Variants in PTPRD observed in about 807,000 individuals in gnomAD.
PTPRD encodes protein tyrosine phosphatase receptor type D.
Under a neutral mutation model 214.5 loss-of-function variants are expected in PTPRD, and 34 were observed. The ratio of observed to expected loss-of-function variants is 0.16; its 90% CI spans 0.12 to 0.21. The LOEUF (loss-of-function observed/expected upper bound fraction) is 0.21. Among genes scored for constraint, PTPRD ranks in the 10% least tolerant of loss-of-function variants. The pLI, the probability that PTPRD is intolerant of heterozygous loss-of-function variation, is 1.00. For synonymous variants in PTPRD, 1,128 were observed against 845.7 expected (o/e 1.33, Z -5.79); for missense variants, 2,545 against 2,398.7 (o/e 1.06, Z -1.27).
At position 8,484,339 on chromosome 9, in the gene PTPRD, C is replaced by T. The variant is rs2096951698; in HGVS notation, c.3193G>A (p.Gly1065Ser). The T allele has an allele frequency of 1.2e-6, 2 of 1,613,910 alleles. No homozygotes were observed. Among genetic ancestry groups the T allele is most frequent in the Non-Finnish European group, 1.7e-6 (2 of 1,179,956 alleles). ...ACAATTAACTTCTGTGTGGCTCGGC[C>T]ATCCACTTCTTCTACCATTTTCCCA... ...DDGKMVEEVD[G>S]RATQKLIVNL... Residue 1065 changes from glycine (G) to serine (S), a missense_variant, in exon 30 of 46, where the codon GGC (glycine) becomes AGC (serine). Gly to Ser is a moderately conservative substitution (Grantham distance 56). Transcript: ENST00000381196.
intron 8 of PTPRD, among the ~76,000 whole-genome samples, chr9:9,407,388 TA>T (rs1260777977): frequency 6.6e-6 from 1 of 151,812 alleles, no homozygotes; most frequent in Non-Finnish European, 1.5e-5. Flanking sequence ...ATAATGGTTC[TA>T]TAAACATATT....
chr9:9,282,603 T>G (rs1303292559), intron 9 of PTPRD, among the ~76,000 whole-genome samples: 1 of 151,386 alleles, frequency 6.6e-6, no homozygotes, highest in Non-Finnish European at 1.5e-5. Context: ...CTTTCCTGAA[T>G]AGATGGTATT....
At chr9:10,111,092 T>G (rs964467959) in intron 3 of PTPRD, among the ~76,000 whole-genome samples, 70 of 152,130 alleles carry the variant, frequency 4.6e-4, no homozygotes, top group African/African-American at 1.5e-3. Context: ...ACTTTTAACT[T>G]ATTTGTAAAA....
At chr9:8,918,172 A>T (rs2098799999) in intron 11 of PTPRD, among the ~76,000 whole-genome samples, 1 of 152,128 alleles carries the variant, frequency 6.6e-6, no homozygotes, top group Non-Finnish European at 1.5e-5. Flanking sequence ...CTCCATGCTC[A>T]ATCACACTGC....
At chr9:10,056,251 G>A (rs2097645823) in intron 3 of PTPRD, among the ~76,000 whole-genome samples, 1 of 151,584 alleles carries the variant, frequency 6.6e-6, no homozygotes, top group Non-Finnish European at 1.5e-5. Context: ...AACCTGGGAG[G>A]CGGAGATTGC....
intron 7 of PTPRD, among the ~76,000 whole-genome samples, chr9:9,705,355 A>G (rs567518412): frequency 1.3e-5 from 2 of 152,362 alleles, no homozygotes; most frequent in South Asian, 4.1e-4. Flanking sequence ...CCAAGGAAGA[A>G]TGCAAAGGCT....
Position 9,027,767 on chromosome 9 carries a change from C to A in PTPRD, c.-142-9032G>T, listed in dbSNP as rs1192626031. Among the ~76,000 whole-genome samples the A allele has an allele frequency of 5.3e-5, 8 of 151,824 alleles. No individual in the cohort carries two copies. In the East Asian group the frequency reaches 1.5e-3, roughly 29 times the overall value. On this transcript the variant is annotated intron_variant, in intron 10 of 45. Transcript: ENST00000381196. ...TGGTGAAGTTTGTTATCTCTAAGTA[C>A]AGATTTCATTTATTTTACATTTTAC...
chr9:9,127,236 A>G (rs1592066533), intron 10 of PTPRD, among the ~76,000 whole-genome samples: 5 of 152,330 alleles, frequency 3.3e-5, no homozygotes, highest in Admixed American at 3.3e-4. Flanking sequence ...ACATGGGGAA[A>G]ATGTGCAAAC....
intron 11 of PTPRD, among the ~76,000 whole-genome samples, chr9:8,936,343 G>A (rs2098996774): frequency 6.7e-6 from 1 of 148,770 alleles, no homozygotes; most frequent in Non-Finnish European, 1.5e-5. Flanking sequence ...AGGATTGCTT[G>A]AGCCTGGGAG....
At chr9:9,847,128 C>G (rs1347589277) in intron 5 of PTPRD, among the ~76,000 whole-genome samples, 1 of 151,988 alleles carries the variant, frequency 6.6e-6, no homozygotes, top group African/African-American at 2.4e-5. Flanking sequence ...GAACGAATAA[C>G]TAAATGTAGT....
chr9:8,727,358 A>C (rs905905910), intron 12 of PTPRD, among the ~76,000 whole-genome samples: 4 of 152,266 alleles, frequency 2.6e-5, no homozygotes, highest in African/African-American at 9.6e-5. Context: ...CAGAAACTCC[A>C]CAATGAGGCT....
chr9:8,798,198 T>C (rs893403657), intron 11 of PTPRD, among the ~76,000 whole-genome samples: 1 of 152,170 alleles, frequency 6.6e-6, no homozygotes, highest in Non-Finnish European at 1.5e-5. Flanking sequence ...GTGTCTCTTT[T>C]CCCAATCAAG....
intron 11 of PTPRD, among the ~76,000 whole-genome samples, chr9:8,760,526 T>C (rs1344439426): frequency 1.3e-5 from 2 of 152,122 alleles, no homozygotes; most frequent in East Asian, 1.9e-4. Flanking sequence ...TTTTTTTGAA[T>C]GTCAGCATTA....
chr9:10,097,691 C>T (rs1211176247), intron 3 of PTPRD, among the ~76,000 whole-genome samples: 10 of 150,764 alleles, frequency 6.6e-5, no homozygotes, highest in South Asian at 6.4e-4. Flanking sequence ...CAAACAGGGA[C>T]AATTTGACTT....
At chr9:10,004,982 T>C (rs1025136235) in intron 4 of PTPRD, among the ~76,000 whole-genome samples, 8 of 152,198 alleles carry the variant, frequency 5.3e-5, no homozygotes, top group African/African-American at 1.9e-4. Context: ...CTGTAAATGC[T>C]AGTTTCATGC....
At chr9:8,805,039 T>C (rs1271626330) in intron 11 of PTPRD, among the ~76,000 whole-genome samples, 3 of 152,150 alleles carry the variant, frequency 2.0e-5, no homozygotes, top group East Asian at 3.9e-4. Flanking sequence ...TTGGTAGAAA[T>C]TCCCATGGAA....
intron 12 of PTPRD, among the ~76,000 whole-genome samples, chr9:8,716,632 AG>A (rs550227444): frequency 2.8e-3 from 359 of 128,518 alleles, no homozygotes; most frequent in African/African-American, 0.017. Context: ...TGTAAAACCT[AG>A]GGGATGGTTC....
At chr9:10,140,393 G>T (rs967886932) in intron 3 of PTPRD, among the ~76,000 whole-genome samples, 2 of 151,346 alleles carry the variant, frequency 1.3e-5, no homozygotes, top group Non-Finnish European at 2.9e-5. Flanking sequence ...TCAAATAGAC[G>T]CAACAAAAAA....
At chr9:8,843,631 T>C (rs1303407513) in intron 11 of PTPRD, among the ~76,000 whole-genome samples, 1 of 152,100 alleles carries the variant, frequency 6.6e-6, no homozygotes, top group Non-Finnish European at 1.5e-5. Flanking sequence ...GGACAATGGG[T>C]TTCTTAAGTT....
Sources: allele counts gnomAD v4.1 joint callset (sites outside exome capture counted in the v4.1 genomes callset), GRCh38; gene constraint gnomAD v4.1.1; transcripts MANE v1.5; gene names NCBI Gene and HGNC (gene_info 2026-07-23, HGNC 2026-07-21).